The following OCA2 variants were observed in gnomAD, a reference collection of about 807,000 sequenced individuals.
OCA2 encodes P protein.
OCA2 carries 77 observed loss-of-function variants against 100.2 expected under a neutral mutation model. The ratio of observed to expected loss-of-function variants is 0.77; its 90% CI spans 0.64 to 0.93. The LOEUF (loss-of-function observed/expected upper bound fraction) is 0.93, where lower values mean the gene tolerates loss of function less well. Ranked by LOEUF, OCA2 falls within the 40% of genes least tolerant of loss-of-function variation. The probability of loss-of-function intolerance (pLI) is 0.00; values close to 1 mark genes in which losing one functional copy is unlikely to be tolerated. For missense variants in OCA2, 1,062 were observed against 1,089.1 expected (o/e 0.98, Z 0.35); for synonymous variants, 432 against 439.2 (o/e 0.98, Z 0.21).
chr15:27,964,809 G>T (rs181618774), intron 15 of OCA2, among the ~76,000 whole-genome samples: 5 of 152,116 alleles, frequency 3.3e-5, no homozygotes, highest in African/African-American at 1.2e-4. Context: ...CCCCACAGTG[G>T]CACAGAGCAA....
chr15:27,990,474 T>C lies in OCA2; in HGVS notation c.1116+102A>G, dbSNP rs563089380. 2.0e-4 allele frequency: 235 copies of C among 1,154,680 alleles called. 1 individual carries two copies. In the African/African-American group the frequency reaches 3.2e-3, roughly 16 times the overall value. The allele number at this position is 1,154,680 out of a possible 1,614,324, so 71.5% of individuals were successfully genotyped here. The stretch of plus-strand genomic sequence containing the variant: ...CTTGGGCAAAAACATGGACGTGGCA[T>C]ATAAAATAGTGAAAAAACCAGCGAA... On this transcript the variant is annotated intron_variant, in intron 10 of 23. Transcript: ENST00000354638.
intron 19 of OCA2, among the ~76,000 whole-genome samples, chr15:27,924,324 T>C (rs926166653): frequency 6.6e-6 from 1 of 152,230 alleles, no homozygotes; most frequent in African/African-American, 2.4e-5. Context: ...CCCATACATT[T>C]ATTGAAAAAG....
At chr15:28,039,785 AAT>A (rs2043148514) in intron 2 of OCA2, among the ~76,000 whole-genome samples, 1 of 152,202 alleles carries the variant, frequency 6.6e-6, no homozygotes, top group Non-Finnish European at 1.5e-5. Flanking sequence ...CTGTAATCCC[AAT>A]GCTTTGGGAG....
intron 6 of OCA2, among the ~76,000 whole-genome samples, 167 bp from the exon 7 acceptor site, chr15:28,018,724 A>T (rs2042487255): frequency 6.6e-6 from 1 of 152,036 alleles, no homozygotes; most frequent in Non-Finnish European, 1.5e-5. Flanking sequence ...TATTACCCAC[A>T]TCTCAGCCCT....
At chr15:27,736,079 T>C in the OCA2 span, among the ~76,000 whole-genome samples, 1 of 152,202 alleles carries the variant, frequency 6.6e-6, no homozygotes. Context: ...TGTAGCATCA[T>C]ACTGTACATG....
At chr15:28,081,034 C>T (rs2044605066) in intron 2 of OCA2, among the ~76,000 whole-genome samples, 1 of 152,052 alleles carries the variant, frequency 6.6e-6, no homozygotes, top group Admixed American at 6.6e-5. Flanking sequence ...GACAAGTGGG[C>T]GCTAACCCCC....
chr15:27,854,131 T>C (rs1489676634), intron 21 of OCA2, among the ~76,000 whole-genome samples: 1 of 152,174 alleles, frequency 6.6e-6, no homozygotes, highest in African/African-American at 2.4e-5. Flanking sequence ...GTGGCTTCCT[T>C]TGACCGATAG....
chr15:28,055,692 G>A (rs758274202), intron 2 of OCA2, among the ~76,000 whole-genome samples: 68 of 152,312 alleles, frequency 4.5e-4, no homozygotes, highest in Non-Finnish European at 8.4e-4. Context: ...GGCCAGCGGG[G>A]AGCCAAGCCC....
At chr15:28,095,904 G>T (rs2044968916) in intron 1 of OCA2, among the ~76,000 whole-genome samples, 1 of 152,114 alleles carries the variant, frequency 6.6e-6, no homozygotes. Flanking sequence ...GTCACTGAAC[G>T]CTCCCCTCCC....
At chr15:27,826,989 G>A (rs146368992) in intron 23 of OCA2, among the ~76,000 whole-genome samples, 70 of 152,336 alleles carry the variant, frequency 4.6e-4, no homozygotes, top group East Asian at 3.9e-3. Flanking sequence ...ATGGTCTCCC[G>A]GCAAGATGCC....
chr15:28,022,592 T>C lies in OCA2; in HGVS notation c.574-19A>G, dbSNP rs145242923. ...ACAAAATCTGTAACAATCAGAAACG[T>C]TGAATGACAGAGGTGTGGTATGAGA... On this transcript the variant is annotated intron_variant, in intron 5 of 23. Transcript: ENST00000354638. The C allele has an allele frequency of 8.7e-3, 13,844 of 1,593,592 alleles. 80 individuals are homozygous for C. The highest frequency in any genetic ancestry group is 0.01 in the Non-Finnish European group (11,714 of 1,161,458).
chr15:27,972,730 T>C (rs532178995), intron 14 of OCA2, among the ~76,000 whole-genome samples: 7 of 152,180 alleles, frequency 4.6e-5, no homozygotes, highest in African/African-American at 1.7e-4. Context: ...TTGTTTGAGT[T>C]TCTTATAGAT....
rs756708804 is a variant in OCA2 at position 28,030,272 on chromosome 15, G to A, written c.326+1793C>T. Reference sequence around the variant, plus strand: ...AGGTGCCAGGATGTACGATGAAGAGGGGACAGGCTGGCCAACATAACCATA... The same window carrying A: ...AGGTGCCAGGATGTACGATGAAGAGAGGACAGGCTGGCCAACATAACCATA... On this transcript the variant is annotated intron_variant, in intron 3 of 23. Coordinates refer to ENST00000354638, the MANE Select transcript of OCA2 (RefSeq NM_000275.3). 9.2e-5 allele frequency among the ~76,000 whole-genome samples: 14 copies of A among 152,256 alleles called. 1 individual carries two copies. Among genetic ancestry groups the A allele is most frequent in the South Asian group, 8.3e-4 (4 of 4,816 alleles).
chr15:27,820,948 G>C (rs1047329587), intron 23 of OCA2, among the ~76,000 whole-genome samples: 4 of 152,154 alleles, frequency 2.6e-5, no homozygotes, highest in Non-Finnish European at 4.4e-5. Flanking sequence ...TGGGTTGCCA[G>C]GTCGGGCAGC....
intron 19 of OCA2, among the ~76,000 whole-genome samples, chr15:27,879,923 G>T (rs1209800067): frequency 3.3e-5 from 5 of 152,118 alleles, no homozygotes; most frequent in African/African-American, 9.7e-5. Context: ...TGAAATCTAT[G>T]TTTGTGCCTA....
rs35919216 is a variant in OCA2 at position 27,997,240 on chromosome 15, GGAAA to G, written c.1045-6597_1045-6594del. 2.8e-3 allele frequency among the ~76,000 whole-genome samples: 411 copies of G among 145,540 alleles called. 2 individuals carry two copies. The highest frequency in any genetic ancestry group is 9.3e-3 in the African/African-American group (369 of 39,504). On this transcript the variant is annotated intron_variant, in intron 9 of 23. Coordinates refer to ENST00000354638, the MANE Select transcript of OCA2 (RefSeq NM_000275.3). Reference sequence around the variant, plus strand: ...AGGAAAGAAAGAAAGGAAGGAAGGAGGAAAGAAAGAAAGAAAGAAAGGGAAAATT... The same window carrying G: ...AGGAAAGAAAGAAAGGAAGGAAGGAGGAAAGAAAGAAAGAAAGGGAAAATT...
chr15:27,990,325 C>T (rs2041510396), intron 10 of OCA2, among the ~76,000 whole-genome samples: 1 of 152,164 alleles, frequency 6.6e-6, no homozygotes, highest in Non-Finnish European at 1.5e-5. Context: ...GCAAACATGC[C>T]CATGAGGAGC....
At chr15:27,987,909 A>G (rs1305573309) in intron 11 of OCA2, among the ~76,000 whole-genome samples, 1 of 152,230 alleles carries the variant, frequency 6.6e-6, no homozygotes, top group Non-Finnish European at 1.5e-5. Context: ...AATAAACTAT[A>G]GAAAACAAAA....
intron 23 of OCA2, among the ~76,000 whole-genome samples, chr15:27,764,966 C>G (rs895979790): frequency 3.3e-5 from 5 of 151,952 alleles, no homozygotes; most frequent in Non-Finnish European, 7.4e-5. Flanking sequence ...GTAGATATTT[C>G]TTGCTAAACA....
Sources: allele counts gnomAD v4.1 joint callset (sites outside exome capture counted in the v4.1 genomes callset), GRCh38; gene constraint gnomAD v4.1.1; transcripts MANE v1.5; gene names NCBI Gene and HGNC (gene_info 2026-07-23, HGNC 2026-07-21).